KLF9: variants seen among roughly 807,000 people sequenced by gnomAD.
The protein encoded by KLF9 is KLF transcription factor 9, also known as Krueppel-like factor 9.
KLF9 carries 2 observed loss-of-function variants against 17.3 expected under a neutral mutation model. The ratio of observed to expected loss-of-function variants is 0.12; its 90% CI spans 0.05 to 0.36. The LOEUF (loss-of-function observed/expected upper bound fraction) is 0.36, where lower values mean the gene tolerates loss of function less well. KLF9 is among the 10% of genes least tolerant of loss of function. The pLI is 1.00. For synonymous variants in KLF9, 138 were observed against 139.2 expected, an observed-to-expected ratio of 0.99 and a Z score of 0.06; for missense variants, 226 against 333.2, an observed-to-expected ratio of 0.68 and a Z score of 2.51.
At chr9:70,402,691 C>T (rs2037229872) in intron 1 of KLF9, among the ~76,000 whole-genome samples, 1 of 152,094 alleles carries the variant, frequency 6.6e-6, no homozygotes, top group Non-Finnish European at 1.5e-5. Flanking sequence ...CTGCAAAGAC[C>T]CTTCTGTACA....
At chr9:70,405,173 C>T (rs2037247999) in intron 1 of KLF9, among the ~76,000 whole-genome samples, 1 of 152,190 alleles carries the variant, frequency 6.6e-6, no homozygotes, top group South Asian at 2.1e-4. Context: ...CCAAAACTCC[C>T]AAGAGAGACT....
chr9:70,388,400 G>A (rs1234182424), intron 1 of KLF9, among the ~76,000 whole-genome samples: 1 of 152,078 alleles, frequency 6.6e-6, no homozygotes, highest in African/African-American at 2.4e-5. Flanking sequence ...CTCTACCTTG[G>A]ACTCCCAGTC....
chr9:70,412,054 C>T (rs2037318708), intron 1 of KLF9, among the ~76,000 whole-genome samples: 1 of 151,966 alleles, frequency 6.6e-6, no homozygotes, highest in African/African-American at 2.4e-5. Flanking sequence ...TCTCACCCTC[C>T]CTGGGAGGAA....
intron 1 of KLF9, among the ~76,000 whole-genome samples, chr9:70,403,947 C>T (rs749864842): frequency 6.6e-5 from 10 of 152,104 alleles, no homozygotes; most frequent in East Asian, 1.9e-4. Context: ...AAGAGAACCA[C>T]GTAAAACACA....
chr9:70,411,308 G>A (rs1199897613), intron 1 of KLF9, among the ~76,000 whole-genome samples: 1 of 152,134 alleles, frequency 6.6e-6, no homozygotes, highest in South Asian at 2.1e-4. Flanking sequence ...ACTGAACTCC[G>A]GGAACATGGC....
chr9:70,413,908 AC>A lies in KLF9; in HGVS notation c.-546del, dbSNP rs2037352834. The A allele has an allele frequency of 6.6e-6, 1 of 152,350 alleles. No homozygotes were observed. Among genetic ancestry groups the A allele is most frequent in the African/African-American group, 2.4e-5 (1 of 41,330 alleles). The allele number at this position is 152,350 out of a possible 1,614,324, so 9.4% of individuals were successfully genotyped here. A position where few individuals can be genotyped will look rare whatever the true frequency, so the allele number is the denominator to read the frequency against. ...TCCCGAGTCCACTGACGGCTTCTGA[AC>A]CCCTGCTCCGGCCGGTCCGCACCGT... On this transcript the variant is annotated 5_prime_UTR_variant, in exon 1 of 2. An upstream open reading frame in the 5' UTR gains an earlier in-frame stop. Coordinates refer to ENST00000377126, the MANE Select transcript of KLF9 (RefSeq NM_001206.4). This position sits in a 1 kb window ranked among gnomAD's most constrained non-coding sequence, Gnocchi z 5.6.
intron 1 of KLF9, among the ~76,000 whole-genome samples, chr9:70,398,401 T>C (rs2037197916): frequency 6.6e-6 from 1 of 152,154 alleles, no homozygotes; most frequent in Non-Finnish European, 1.5e-5. Flanking sequence ...CATATCCAAA[T>C]ATCGTGCACA....
Position 70,386,875 on chromosome 9 carries a change from G to A in KLF9, c.*901C>T, listed in dbSNP as rs940973271. ...CTCTGCCATGATTTCTTAGGGAAACGTGTATATTGTAAAATAAGCAGATTA... is the reference window on the plus strand; with the variant it reads ...CTCTGCCATGATTTCTTAGGGAAACATGTATATTGTAAAATAAGCAGATTA... On this transcript the variant is annotated 3_prime_UTR_variant, in exon 2 of 2. Transcript: ENST00000377126. 4.6e-5 allele frequency: 7 copies of A among 152,568 alleles called. 1 individual carries two copies. In the East Asian group the frequency reaches 5.8e-4, roughly 13 times the overall value. The allele number at this position is 152,568 out of a possible 1,614,324, so 9.5% of individuals were successfully genotyped here. A position where few individuals can be genotyped will look rare whatever the true frequency, so the allele number is the denominator to read the frequency against.
rs80162241 is a variant in KLF9, at chr9:70,390,570, T to C, written c.506-2565A>G. ...AAGGCTGAGCTTCTTGAGGCAAAAA[T>C]AATGTCATGTATGACTTTTGTCCTA... On this transcript the variant is annotated intron_variant, in intron 1 of 1. Transcript: ENST00000377126. Among the ~76,000 whole-genome samples the C allele has an allele frequency of 4.3e-3, 648 of 152,134 alleles. 8 individuals are homozygous for C. Among genetic ancestry groups the C allele is most frequent in the African/African-American group, 0.015 (605 of 41,482 alleles).
rs1240074324 is a variant in KLF9, at chr9:70,386,108, T to C, written c.*1668A>G. 2 of 152,448 alleles carry C rather than the reference T, an allele frequency of 1.3e-5. No individual in the cohort carries two copies. The highest frequency in any genetic ancestry group is 2.9e-5 in the Non-Finnish European group (2 of 68,018). 9.4% of individuals were successfully genotyped at this position (152,448 alleles called of 1,614,324 possible). A position where few individuals can be genotyped will look rare whatever the true frequency, so the allele number is the denominator to read the frequency against. ...CACATTTCAGAGCGCAAGTATAAACTAGAGTGCACCATAGCTCCCTGTTTT... is the reference window on the plus strand; with the variant it reads ...CACATTTCAGAGCGCAAGTATAAACCAGAGTGCACCATAGCTCCCTGTTTT... On this transcript the variant is annotated 3_prime_UTR_variant, in exon 2 of 2. Transcript: ENST00000377126.
intron 1 of KLF9, among the ~76,000 whole-genome samples, chr9:70,406,771 G>A (rs1015699757): frequency 6.6e-6 from 1 of 152,028 alleles, no homozygotes; most frequent in Non-Finnish European, 1.5e-5. Flanking sequence ...GGGCTTGCTG[G>A]AGAAACATTA....
chr9:70,389,268 T>G (rs1028745809), intron 1 of KLF9, among the ~76,000 whole-genome samples: 4 of 152,210 alleles, frequency 2.6e-5, no homozygotes, highest in African/African-American at 9.6e-5. Flanking sequence ...TCTTCTATAT[T>G]CCTCATAAAA....
rs1380742946 is a variant in KLF9, at chr9:70,385,263, G to A, written c.*2513C>T. ...CCTATTTGAACCATATCTTGATATA[G>A]TAAATCTAATTAGAATGCTGGTTCC... On this transcript the variant is annotated 3_prime_UTR_variant, in exon 2 of 2. Transcript: ENST00000377126. 1.3e-5 allele frequency: 2 copies of A among 152,562 alleles called. No individual in the cohort carries two copies. Among genetic ancestry groups the A allele is most frequent in the African/African-American group, 2.4e-5 (1 of 41,434 alleles). 9.5% of individuals were successfully genotyped at this position (152,562 alleles called of 1,614,324 possible).
chr9:70,388,716 C>T (rs1224798932), intron 1 of KLF9, among the ~76,000 whole-genome samples: 1 of 152,138 alleles, frequency 6.6e-6, no homozygotes, highest in East Asian at 1.9e-4. Context: ...AGCATTTCTC[C>T]CTGAGCTCCT....
chr9:70,399,145 T>A (rs1477304219), intron 1 of KLF9, among the ~76,000 whole-genome samples: 2 of 152,242 alleles, frequency 1.3e-5, no homozygotes, highest in African/African-American at 4.8e-5. Flanking sequence ...AAGAGCTGTC[T>A]TGAAGTCTCA....
intron 1 of KLF9, among the ~76,000 whole-genome samples, chr9:70,389,072 C>T (rs949361181): frequency 6.6e-6 from 1 of 151,584 alleles, no homozygotes; most frequent in Non-Finnish European, 1.5e-5. Context: ...ACCCAGGAAG[C>T]GAAGGTTGCA....
At chr9:70,401,243 G>T (rs1240013035) in intron 1 of KLF9, among the ~76,000 whole-genome samples, 1 of 151,744 alleles carries the variant, frequency 6.6e-6, no homozygotes, top group Non-Finnish European at 1.5e-5. Flanking sequence ...AGCTATTCAG[G>T]AGACCTAGGT....
chr9:70,413,036 T>A lies in KLF9; in HGVS notation c.328A>T (p.Ser110Cys). The change falls in exon 1 of 2, where the codon AGC becomes TGC. Residue 110 changes from serine to cysteine, a missense_variant. Coordinates refer to ENST00000377126, the MANE Select transcript of KLF9 (RefSeq NM_001206.4). The surrounding 1 kb of genome is among the most constrained non-coding windows in gnomAD (Gnocchi z 5.6). ...TTESGSSPSHSPEERQDPGSA... is the reference protein window; with the variant it reads ...TTESGSSPSHCPEERQDPGSA... ...CCAGGATCCTGTCTCTCCTCCGGGC[T>A]GTGGGAAGGACTCGACCCAGATTCG... 2 of 1,614,086 alleles carry A rather than the reference T, an allele frequency of 1.2e-6. No homozygotes were observed. Among genetic ancestry groups the A allele is most frequent in the Non-Finnish European group, 1.7e-6 (2 of 1,179,976 alleles).
At chr9:70,393,069 G>A (rs565787549) in intron 1 of KLF9, among the ~76,000 whole-genome samples, 3 of 152,222 alleles carry the variant, frequency 2.0e-5, no homozygotes, top group African/African-American at 7.2e-5. Context: ...AACAAGCTAA[G>A]CACCTCTTGC....
Sources: allele counts gnomAD v4.1 joint callset (sites outside exome capture counted in the v4.1 genomes callset), GRCh38; gene constraint gnomAD v4.1.1; non-coding constraint Gnocchi (gnomAD v3.1); transcripts MANE v1.5; gene names NCBI Gene and HGNC (gene_info 2026-07-23, HGNC 2026-07-21).